Variants in MSH6 observed in about 807,000 individuals in gnomAD.
MSH6 encodes DNA mismatch repair protein Msh6.
MSH6 carries 85 observed loss-of-function variants against 119.1 expected under a neutral mutation model. The ratio of observed to expected loss-of-function variants is 0.71; its 90% CI spans 0.60 to 0.85. The LOEUF (loss-of-function observed/expected upper bound fraction) is 0.85. MSH6 is among the 40% of genes least tolerant of loss of function. The pLI, the probability that MSH6 is intolerant of heterozygous loss-of-function variation, is 0.00. For missense variants in MSH6, 2,163 were observed against 1,655.3 expected (o/e 1.31, Z -5.32); for synonymous variants, 830 against 586.9 (o/e 1.41, Z -5.99).
chr2:47,784,083 G>C (rs1230080294), intron 1 of MSH6: 2 of 1,008,770 alleles, frequency 2.0e-6, no homozygotes, highest in Non-Finnish European at 2.4e-6. Flanking sequence ...AGACGCCTTG[G>C]GGACGGTGGG....
chr2:47,806,680 A>ACTAACTGACC (rs1558394934), intron 9 of MSH6, 29 bp downstream of exon 9: 4 of 1,587,592 alleles, frequency 2.5e-6, no homozygotes, highest in Non-Finnish European at 3.4e-6. Context: ...TGGAATTATA[A>ACTAACTGACC]CTAACTGACC....
rs1558661442 is a variant in MSH6, at chr2:47,799,334, T to C, written c.1351T>C (p.Phe451Leu). The C allele has an allele frequency of 1.9e-6, 3 of 1,614,042 alleles. No individual in the cohort carries two copies. The highest frequency in any genetic ancestry group is 2.5e-6 in the Non-Finnish European group (3 of 1,180,022). Residue 451 changes from phenylalanine to leucine, a missense_variant, in exon 4 of 10, where the codon TTC becomes CTC. Transcript: ENST00000234420. ...TGGAGTCAGTGAACTGGGGCTGGTA[T>C]TCATGAAAGGCAACTGGGCCCATTC... ...LIGVSELGLV[F>L]MKGNWAHSGF...
rs1064793670 is a variant in MSH6, at chr2:47,783,209, C to T, written c.-25C>T. 7 of 1,610,404 alleles carry T rather than the reference C, an allele frequency of 4.3e-6. No individual in the cohort carries two copies. The Admixed American group carries it at 8.4e-5, about 19-fold the overall frequency. On this transcript the variant is annotated 5_prime_UTR_variant, in exon 1 of 10. In the 5' UTR this introduces an upstream ATG that the reference lacks. Transcript: ENST00000234420. ...CTTTTAGGAGCTCCGTCCGACAGAA[C>T]GGTTGGGCCTTGCCGGCTGTCGGTA...
intron 2 of MSH6, among the ~76,000 whole-genome samples, chr2:47,792,398 A>G (rs1668789656): frequency 6.6e-6 from 1 of 152,246 alleles, no homozygotes; most frequent in Non-Finnish European, 1.5e-5. Flanking sequence ...TTTGTCTAAA[A>G]TTAAATGTAA....
Position 47,800,206 on chromosome 2 carries a change from C to T in MSH6, c.2223C>T (p.Asn741=), listed in dbSNP as rs769668640. The T allele has an allele frequency of 9.3e-6, 15 of 1,614,076 alleles. 1 individual carries two copies. The South Asian group carries it at 1.5e-4, about 17-fold the overall frequency. ...TGGTGCTAGATGCAGTGACATTAAA[C>T]AACTTGGAGATTTTTCTGAATGGAA... ...QRMVLDAVTL[N]NLEIFLNGTN... Residue 741 remains asparagine, a synonymous_variant, in exon 4 of 10, where the codon AAC becomes AAT. Coordinates refer to ENST00000234420, the MANE Select transcript of MSH6 (RefSeq NM_000179.3).
intron 1 of MSH6, among the ~76,000 whole-genome samples, chr2:47,788,922 G>GTTTTTTTTGTTTTTTTTGTTTTT (rs1668541391): frequency 4.9e-5 from 2 of 40,930 alleles, no homozygotes; most frequent in African/African-American, 2.0e-4. Context: ...TTTTTTTTTT[G>GTTTTTTTTGTTTTTTTTGTTTTT]TTTTTTTTTT....
At chr2:47,802,349 T>C (rs1352293004) in intron 4 of MSH6, among the ~76,000 whole-genome samples, 1 of 152,172 alleles carries the variant, frequency 6.6e-6, no homozygotes, top group Non-Finnish European at 1.5e-5. Flanking sequence ...TTTTTTAATT[T>C]TTTAGAGACG....
Position 47,783,183 on chromosome 2 carries a change from G to C in MSH6, c.-51G>C, listed in dbSNP as rs375109921. ...GCAGGAGCCGCGCGGTAGATGCGGTGCTTTTAGGAGCTCCGTCCGACAGAA... is the reference window on the plus strand; with the variant it reads ...GCAGGAGCCGCGCGGTAGATGCGGTCCTTTTAGGAGCTCCGTCCGACAGAA... On this transcript the variant is annotated 5_prime_UTR_variant, in exon 1 of 10. Coordinates refer to ENST00000234420, the MANE Select transcript of MSH6 (RefSeq NM_000179.3). 1.1e-5 allele frequency: 17 copies of C among 1,606,534 alleles called. No homozygotes were observed. The highest frequency in any genetic ancestry group is 3.3e-5 in the South Asian group (3 of 90,178).
chr2:47,799,784 C>G lies in MSH6; in HGVS notation c.1801C>G (p.Leu601Val), dbSNP rs1553413197. ...ACAAGTTTTATTTGAAAAAGGAAATCTCTCAAAGGAAACTAAAACAATTCT... is the reference window on the plus strand; with the variant it reads ...ACAAGTTTTATTTGAAAAAGGAAATGTCTCAAAGGAAACTAAAACAATTCT... ...PVQVLFEKGN[L>V]SKETKTILKS... The change falls in exon 4 of 10, where the codon CTC becomes GTC. Residue 601 changes from leucine (L) to valine (V), a missense_variant. Physicochemically the swap from Leu to Val is conservative, Grantham distance 32 (BLOSUM62 1). Coordinates refer to ENST00000234420, the MANE Select transcript of MSH6 (RefSeq NM_000179.3). 1.2e-6 allele frequency: 2 copies of G among 1,614,186 alleles called. No individual in the cohort carries two copies. Among genetic ancestry groups the G allele is most frequent in the East Asian group, 2.2e-5 (1 of 44,884 alleles).
intron 1 of MSH6, among the ~76,000 whole-genome samples, chr2:47,785,503 C>T (rs959307369): frequency 2.0e-5 from 3 of 152,190 alleles, no homozygotes; most frequent in Non-Finnish European, 4.4e-5. Context: ...CAGGTGTGAG[C>T]CACCGTGCCC....
intron 4 of MSH6, among the ~76,000 whole-genome samples, chr2:47,801,546 T>A (rs1376084677): frequency 1.3e-5 from 2 of 151,870 alleles, no homozygotes; most frequent in Non-Finnish European, 2.9e-5. Context: ...ATTTAAATGT[T>A]TGTAGAGAGA....
Position 47,795,352 on chromosome 2 carries a change from T to C in MSH6, c.458-542T>C, listed in dbSNP as rs3136312. 2.5e-3 allele frequency among the ~76,000 whole-genome samples: 384 copies of C among 152,276 alleles called. 1 individual carries two copies. The highest frequency in any genetic ancestry group is 8.8e-3 in the African/African-American group (366 of 41,542). The stretch of plus-strand genomic sequence containing the variant: ...AAAAGTAATGGGGCATAACAAATTA[T>C]ACTTGTCATTCTTGTTCATTAGGGC... On this transcript the variant is annotated intron_variant, in intron 2 of 9. Coordinates refer to ENST00000234420, the MANE Select transcript of MSH6 (RefSeq NM_000179.3).
rs553947858 is a variant in MSH6 at position 47,788,693 on chromosome 2, C to T, written c.261-2234C>T. Among the ~76,000 whole-genome samples the T allele has an allele frequency of 4.0e-5, 6 of 149,144 alleles. 1 individual carries two copies. In the South Asian group the frequency reaches 1.3e-3, roughly 32 times the overall value. On this transcript the variant is annotated intron_variant, in intron 1 of 9. Transcript: ENST00000234420. ...CAAGGGAGTCTCCTGCTTCAGCCTCCCGAGTAGCTGGGATTACAGGCGCCT... is the reference window on the plus strand; with the variant it reads ...CAAGGGAGTCTCCTGCTTCAGCCTCTCGAGTAGCTGGGATTACAGGCGCCT...
chr2:47,799,761 A>C lies in MSH6; in HGVS notation c.1778A>C (p.Gln593Pro). 1 of 1,614,194 alleles carries C rather than the reference A, an allele frequency of 6.2e-7. No individual in the cohort carries two copies. The highest frequency in any genetic ancestry group is 8.5e-7 in the Non-Finnish European group (1 of 1,180,026). Residue 593 changes from glutamine (Q) to proline (P), a missense_variant, in exon 4 of 10, where the codon CAA (glutamine) becomes CCA (proline). Coordinates refer to ENST00000234420, the MANE Select transcript of MSH6 (RefSeq NM_000179.3). ...CTAGTGGCACACTATCCCCCAGTAC[A>C]AGTTTTATTTGAAAAAGGAAATCTC... is the stretch of plus-strand genomic sequence containing the variant. Reference protein sequence around the residue: ...RTLVAHYPPVQVLFEKGNLSK... With the variant: ...RTLVAHYPPVPVLFEKGNLSK...
Position 47,800,696 on chromosome 2 carries a change from T to C in MSH6, c.2713T>C (p.Leu905=), listed in dbSNP as rs747486855. The change falls in exon 4 of 10, where the codon TTG becomes CTG. Residue 905 remains leucine, a synonymous_variant. Coordinates refer to ENST00000234420, the MANE Select transcript of MSH6 (RefSeq NM_000179.3). ...AAATCCTGAAGGTCGTTTTCCTGAT[T>C]TGACTGTAGAATTGAACCGATGGGA... ...TKNPEGRFPD[L]TVELNRWDTA... The C allele has an allele frequency of 6.2e-7, 1 of 1,614,208 alleles. No individual in the cohort carries two copies. The highest frequency in any genetic ancestry group is 8.5e-7 in the Non-Finnish European group (1 of 1,180,040).
At chr2:47,803,303 T>G in intron 4 of MSH6, 117 bp from the exon 5 acceptor site, 1 of 1,346,556 alleles carries the variant, frequency 7.4e-7, no homozygotes, top group Non-Finnish European at 1.1e-6. Flanking sequence ...ATCGTTGGAC[T>G]GTAATTGAAA....
chr2:47,791,442 C>T (rs1668724686), intron 2 of MSH6, among the ~76,000 whole-genome samples: 1 of 152,124 alleles, frequency 6.6e-6, no homozygotes, highest in Non-Finnish European at 1.5e-5. Context: ...CATCAGGATA[C>T]ATAGCCTATA....
At chr2:47,792,275 G>A (rs3136288) in intron 2 of MSH6, among the ~76,000 whole-genome samples, 21,622 of 151,980 alleles carry the variant, frequency 0.14, 1,753 homozygotes, top group Non-Finnish European at 0.18. Context: ...GTACGTTGTC[G>A]TACTCGGTGT....
rs757716138 is a variant in MSH6 at position 47,803,640 on chromosome 2, T to G, written c.3393T>G (p.Leu1131=). The part of the protein sequence containing the change: ...EQENGKAYCV[L]VTGPNMGGKS... The stretch of plus-strand genomic sequence containing the variant: ...AAAATGGCAAAGCCTATTGTGTGCT[T>G]GTTACTGGACCAAATATGGGGGGCA... Residue 1131 remains leucine, a synonymous_variant, in exon 5 of 10, where the codon CTT becomes CTG. Transcript: ENST00000234420. The G allele has an allele frequency of 6.2e-7, 1 of 1,614,220 alleles. No individual in the cohort carries two copies. Among genetic ancestry groups the G allele is most frequent in the South Asian group, 1.1e-5 (1 of 91,078 alleles).
Sources: gnomAD v4.1 joint callset for allele counts (sites outside exome capture counted in the v4.1 genomes callset) on GRCh38, gnomAD v4.1.1 for gene constraint, MANE v1.5 for transcripts, NCBI Gene and HGNC (gene_info 2026-07-23, HGNC 2026-07-21) for gene names.